The following ADAMTS17 variants were observed in gnomAD, a reference collection of about 807,000 sequenced individuals.
ADAMTS17 encodes the protein ADAM metallopeptidase with thrombospondin type 1 motif 17, also known as A disintegrin and metalloproteinase with thrombospondin motifs 17.
A neutral mutation model predicts 141.5 loss-of-function variants in ADAMTS17; 113 were observed. The ratio of observed to expected loss-of-function variants is 0.80; its 90% confidence interval spans 0.69 to 0.93. The LOEUF (loss-of-function observed/expected upper bound fraction) is 0.93. Among genes scored for constraint, ADAMTS17 ranks in the 40% least tolerant of loss-of-function variants. The pLI is 0.00. For missense variants in ADAMTS17, 1,659 were observed against 1,517.9 expected (o/e 1.09, Z -1.54); for synonymous variants, 768 against 630.6 (o/e 1.22, Z -3.27).
At chr15:99,984,462 G>A (rs2060545115) in intron 20 of ADAMTS17, among the ~76,000 whole-genome samples, 1 of 152,242 alleles carries the variant, frequency 6.6e-6, no homozygotes, top group Admixed American at 6.5e-5. Flanking sequence ...TCGAACACGT[G>A]AACACTTTAC....
In ADAMTS17 at chr15:100,054,002, G is replaced by A. The variant is rs151070749; in HGVS notation, c.2190C>T (p.Leu730=). ...GSINSDWKIE[L]PGEFQIAGTT... ...TGCCTGCAATCTGGAACTCTCCGGG[G>A]AGCTCTATCTTCCAGTCACTGTTGA... Residue 730 remains leucine, a synonymous_variant, in exon 16 of 22, where the codon CTC becomes CTT. Coordinates refer to ENST00000268070, the MANE Select transcript of ADAMTS17 (RefSeq NM_139057.4). The A allele has an allele frequency of 1.6e-5, 26 of 1,614,172 alleles. No homozygotes were observed. Among genetic ancestry groups the A allele is most frequent in the African/African-American group, 2.7e-5 (2 of 75,020 alleles).
chr15:100,084,272 C>T (rs377028596), intron 15 of ADAMTS17, among the ~76,000 whole-genome samples: 46 of 152,330 alleles, frequency 3.0e-4, no homozygotes, highest in South Asian at 2.9e-3. Flanking sequence ...GATCAAACTG[C>T]AAGGTGGCAG....
intron 6 of ADAMTS17, among the ~76,000 whole-genome samples, chr15:100,255,042 T>C (rs1265456926): frequency 6.6e-6 from 1 of 151,698 alleles, no homozygotes; most frequent in Non-Finnish European, 1.5e-5. Context: ...TCCTTAAAGC[T>C]CCCCAGGATC....
At chr15:100,111,274 G>A (rs1259343934) in intron 13 of ADAMTS17, among the ~76,000 whole-genome samples, 1 of 152,196 alleles carries the variant, frequency 6.6e-6, no homozygotes, top group East Asian at 1.9e-4. Flanking sequence ...CCCAGGGTGA[G>A]GCCACATGTT....
intron 3 of ADAMTS17, among the ~76,000 whole-genome samples, chr15:100,299,982 C>A (rs894908822): frequency 1.3e-5 from 2 of 152,154 alleles, no homozygotes; most frequent in Admixed American, 6.6e-5. Flanking sequence ...GTCATTGTTT[C>A]TGAATGAATA....
Position 100,105,294 on chromosome 15 carries a change from T to C in ADAMTS17, c.2016+3695A>G, listed in dbSNP as rs566353392. Among the ~76,000 whole-genome samples, 48 of 152,340 alleles carry C rather than the reference T, an allele frequency of 3.2e-4. No individual in the cohort carries two copies. In the South Asian group the frequency reaches 9.5e-3, roughly 30 times the overall value. On this transcript the variant is annotated intron_variant, in intron 14 of 21. Coordinates refer to ENST00000268070, the MANE Select transcript of ADAMTS17 (RefSeq NM_139057.4). ...GCTCCCAAGGAGCAAAAGACCACCA[T>C]CGAGCATCATGAAAGGTGCCTCCAT...
intron 7 of ADAMTS17, among the ~76,000 whole-genome samples, chr15:100,251,281 AG>A (rs2043145766): frequency 6.6e-6 from 1 of 152,194 alleles, no homozygotes; most frequent in African/African-American, 2.4e-5. Flanking sequence ...TGCACCTGGG[AG>A]GGGATATGAG....
At chr15:100,143,912 G>A (rs568774253) in intron 10 of ADAMTS17, among the ~76,000 whole-genome samples, 1 of 152,262 alleles carries the variant, frequency 6.6e-6, no homozygotes, top group Non-Finnish European at 1.5e-5. Context: ...TATGAATTGC[G>A]AGTGGCAGAA....
rs112214202 is a variant in ADAMTS17 at position 99,974,552 on chromosome 15, G to C, written c.3138C>G (p.Thr1046=). The C allele has an allele frequency of 2.5e-5, 40 of 1,614,122 alleles. No homozygotes were observed. In the African/African-American group the frequency reaches 5.1e-4, roughly 20 times the overall value. ...TCCACTGGTCTCGTGTGCATTTGTA[G>C]GTCAGAGCAGCTAAGGGGATAGGAG... is the stretch of plus-strand genomic sequence containing the variant. ...TITSPRLAAL[T]YKCTRDQWTV... Residue 1046 remains threonine (T), a synonymous_variant, in exon 22 of 22, where the codon ACC becomes ACG. Coordinates refer to ENST00000268070, the MANE Select transcript of ADAMTS17 (RefSeq NM_139057.4).
intron 15 of ADAMTS17, among the ~76,000 whole-genome samples, chr15:100,080,714 T>C (rs2034677035): frequency 6.6e-6 from 1 of 152,236 alleles, no homozygotes; most frequent in East Asian, 1.9e-4. Context: ...TGTTTGTGCA[T>C]GTATACACTT....
intron 15 of ADAMTS17, among the ~76,000 whole-genome samples, chr15:100,056,829 C>T (rs1239298262): frequency 1.3e-5 from 2 of 152,148 alleles, no homozygotes; most frequent in African/African-American, 4.8e-5. Context: ...AAGACAGACA[C>T]AGCTCTTGCT....
chr15:100,113,283 G>C (rs769986771), intron 13 of ADAMTS17, among the ~76,000 whole-genome samples: 4 of 152,188 alleles, frequency 2.6e-5, no homozygotes, highest in Non-Finnish European at 4.4e-5. Flanking sequence ...ATGTAATTCA[G>C]AAATTCAAAA....
At chr15:100,236,793 G>A (rs893805391) in intron 7 of ADAMTS17, among the ~76,000 whole-genome samples, 1 of 152,120 alleles carries the variant, frequency 6.6e-6, no homozygotes, top group Admixed American at 6.5e-5. Flanking sequence ...AGCTATGACT[G>A]CACCACTGCA....
intron 3 of ADAMTS17, among the ~76,000 whole-genome samples, chr15:100,300,288 G>A (rs2044984324): frequency 6.6e-6 from 1 of 152,168 alleles, no homozygotes; most frequent in African/African-American, 2.4e-5. Context: ...CATAGGCTTA[G>A]GGGTGAGAAA....
intron 3 of ADAMTS17, among the ~76,000 whole-genome samples, chr15:100,282,575 A>T (rs2044320272): frequency 6.6e-6 from 1 of 152,258 alleles, no homozygotes. Flanking sequence ...CTCTCTCTCA[A>T]AATCGCTCAT....
At chr15:100,039,580 T>C (rs1025346599) in intron 18 of ADAMTS17, among the ~76,000 whole-genome samples, 4 of 152,258 alleles carry the variant, frequency 2.6e-5, no homozygotes, top group Admixed American at 6.5e-5. Flanking sequence ...TGATTTCTAA[T>C]GTCATTCCAC....
chr15:100,297,123 G>A (rs373265876), intron 3 of ADAMTS17, among the ~76,000 whole-genome samples: 2 of 152,134 alleles, frequency 1.3e-5, no homozygotes, highest in Non-Finnish European at 2.9e-5. Flanking sequence ...AGATAGGGGT[G>A]GGGGAGAGGA....
intron 6 of ADAMTS17, chr15:100,256,631 G>C (rs1452225005): frequency 6.6e-6 from 1 of 152,440 alleles, no homozygotes; most frequent in African/African-American, 2.4e-5. Context: ...GCCCCGAGGA[G>C]TTAGATGGTA....
At chr15:100,208,150 A>C (rs2041651996) in intron 7 of ADAMTS17, among the ~76,000 whole-genome samples, 1 of 152,036 alleles carries the variant, frequency 6.6e-6, no homozygotes, top group South Asian at 2.1e-4. Flanking sequence ...CAGGTCTGTC[A>C]GGAACCCAGG....
Sources: gnomAD v4.1 joint callset for allele counts (sites outside exome capture counted in the v4.1 genomes callset) on GRCh38, gnomAD v4.1.1 for gene constraint, MANE v1.5 for transcripts, NCBI Gene and HGNC (gene_info 2026-07-23, HGNC 2026-07-21) for gene names.